Variants in SLC35D2 observed in about 807,000 individuals in gnomAD.
SLC35D2 encodes nucleotide sugar transporter SLC35D2.
SLC35D2 carries 43 observed loss-of-function variants against 41.8 expected under a neutral mutation model. The ratio of observed to expected loss-of-function variants is 1.03; its 90% CI spans 0.81 to 1.33. The LOEUF (loss-of-function observed/expected upper bound fraction) is 1.33, where lower values mean the gene tolerates loss of function less well. Among genes scored for constraint, SLC35D2 ranks in the 40% most tolerant of loss-of-function variants. The probability of loss-of-function intolerance (pLI) is 0.00; values close to 1 mark genes in which losing one functional copy is unlikely to be tolerated. For synonymous variants in SLC35D2, 150 were observed against 163.9 expected (o/e 0.92, Z 0.65); for missense variants, 380 against 408.4 (o/e 0.93, Z 0.60).
rs181735925 is a variant in SLC35D2 at position 96,324,003 on chromosome 9, A to C, written c.831+88T>G. On this transcript the variant is annotated intron_variant, in intron 10 of 11. Coordinates refer to ENST00000253270, the MANE Select transcript of SLC35D2 (RefSeq NM_007001.3). Reference sequence around the variant, plus strand: ...AGCCCTCGTTCTTACACCACCACCAACAACAAAATCAAACCCGGCCTCCCA... The same window carrying C: ...AGCCCTCGTTCTTACACCACCACCACCAACAAAATCAAACCCGGCCTCCCA... The C allele has an allele frequency of 1.6e-4, 183 of 1,175,358 alleles. 2 individuals are homozygous for C. Among genetic ancestry groups the C allele is most frequent in the African/African-American group, 5.7e-4 (38 of 66,662 alleles). The allele number at this position is 1,175,358 out of a possible 1,614,324, so 72.8% of individuals were successfully genotyped here.
At chr9:96,365,638 A>G (rs1587711165) in intron 2 of SLC35D2, among the ~76,000 whole-genome samples, 2 of 152,310 alleles carry the variant, frequency 1.3e-5, no homozygotes, top group Admixed American at 1.3e-4. Context: ...TCCATAAAAC[A>G]GAAGACCAAC....
At chr9:96,383,421 A>AG in intron 1 of SLC35D2, 56 bp downstream of exon 1, 1 of 1,408,772 alleles carries the variant, frequency 7.1e-7, no homozygotes, top group Non-Finnish European at 9.5e-7. Context: ...AAGCGCACGG[A>AG]GGACAGGGGC....
intron 4 of SLC35D2, among the ~76,000 whole-genome samples, chr9:96,359,292 A>G (rs1266424459): frequency 6.6e-6 from 1 of 151,112 alleles, no homozygotes; most frequent in Non-Finnish European, 1.5e-5. Flanking sequence ...TGGGCGACAG[A>G]GCGAGACTCC....
intron 6 of SLC35D2, among the ~76,000 whole-genome samples, chr9:96,347,741 G>T (rs1479677318): frequency 6.6e-6 from 1 of 152,260 alleles, no homozygotes; most frequent in East Asian, 1.9e-4. Flanking sequence ...TTCCCAGGCG[G>T]TTAAGGCATT....
At chr9:96,354,115 T>C (rs1322920923) in intron 4 of SLC35D2, among the ~76,000 whole-genome samples, 1 of 152,224 alleles carries the variant, frequency 6.6e-6, no homozygotes, top group African/African-American at 2.4e-5. Context: ...TTCAATTGCA[T>C]TCGAAAAGTA....
chr9:96,364,994 G>T (rs1035100183), intron 2 of SLC35D2, among the ~76,000 whole-genome samples: 2 of 144,510 alleles, frequency 1.4e-5, no homozygotes, highest in African/African-American at 5.2e-5. Flanking sequence ...AGGTTGCAGT[G>T]AGCCAAGATC....
At position 96,383,643 on chromosome 9, in the gene SLC35D2, G is replaced by A. The variant is rs1831305751; in HGVS notation, c.-9C>T. On this transcript the variant is annotated 5_prime_UTR_variant, in exon 1 of 12. Coordinates refer to ENST00000253270, the MANE Select transcript of SLC35D2 (RefSeq NM_007001.3). ...TGGCCGCCGGCCGTCATCTCCTGCG[G>A]CCCCGCGGACCCCGCCGCCCGCCAG... 8.5e-6 allele frequency: 9 copies of A among 1,062,446 alleles called. No individual in the cohort carries two copies. The highest frequency in any genetic ancestry group is 1.0e-5 in the Non-Finnish European group (9 of 882,944). The allele number at this position is 1,062,446 out of a possible 1,614,324, so 65.8% of individuals were successfully genotyped here. A position where few individuals can be genotyped will look rare whatever the true frequency, so the allele number is the denominator to read the frequency against.
intron 1 of SLC35D2, among the ~76,000 whole-genome samples, chr9:96,371,888 G>A (rs371438823): frequency 0.025 from 3,830 of 150,724 alleles, 72 homozygotes; most frequent in Middle Eastern, 0.054. Flanking sequence ...CACTACGCCC[G>A]GCTAATTTTT....
intron 1 of SLC35D2, among the ~76,000 whole-genome samples, chr9:96,374,532 CAAAA>C (rs35986252): frequency 1.2e-5 from 1 of 82,350 alleles, no homozygotes; most frequent in Admixed American, 1.5e-4. Flanking sequence ...GACTCCGTCT[CAAAA>C]AAAAAAAAAA....
intron 1 of SLC35D2, among the ~76,000 whole-genome samples, chr9:96,379,966 C>T (rs1482619741): frequency 2.0e-5 from 3 of 149,156 alleles, no homozygotes; most frequent in Non-Finnish European, 4.4e-5. Flanking sequence ...GGCGTGGTCT[C>T]AGCTCACCAC....
intron 4 of SLC35D2, among the ~76,000 whole-genome samples, chr9:96,354,505 G>A (rs966621864): frequency 3.3e-5 from 5 of 152,128 alleles, no homozygotes; most frequent in Admixed American, 6.5e-5. Flanking sequence ...AGTGGCTCAC[G>A]CCTGTAATCC....
intron 6 of SLC35D2, among the ~76,000 whole-genome samples, chr9:96,350,310 C>G (rs1033740176): frequency 2.6e-5 from 4 of 150,976 alleles, no homozygotes; most frequent in Admixed American, 6.6e-5. Context: ...AGCTGAGACT[C>G]CAGGCACACA....
At chr9:96,339,690 C>A (rs1484994338) in intron 8 of SLC35D2, among the ~76,000 whole-genome samples, 1 of 152,088 alleles carries the variant, frequency 6.6e-6, no homozygotes, top group Non-Finnish European at 1.5e-5. Context: ...CTGTAATATA[C>A]TAGATGTACT....
At chr9:96,343,138 G>A (rs10990651) in intron 8 of SLC35D2, among the ~76,000 whole-genome samples, 38,953 of 152,144 alleles carry the variant, frequency 0.26, 5,181 homozygotes, top group East Asian at 0.55. Context: ...GAAGAAGTCC[G>A]GGCTTGCACC....
chr9:96,354,612 C>G (rs1397686905), intron 4 of SLC35D2, among the ~76,000 whole-genome samples: 1 of 151,488 alleles, frequency 6.6e-6, no homozygotes, highest in Non-Finnish European at 1.5e-5. Context: ...ACTAAAAATA[C>G]AAAAAATTAG....
rs561983269 is a variant in SLC35D2, at chr9:96,345,663, C to T, written c.489-262G>A. The stretch of plus-strand genomic sequence containing the variant: ...TCCTTCAACTGCAACCCCTTTCTTT[C>T]GCTAGCTGATGAATCCACATAATAA... On this transcript the variant is annotated intron_variant, in intron 6 of 11. Transcript: ENST00000253270. Among the ~76,000 whole-genome samples the T allele has an allele frequency of 3.5e-4, 54 of 152,330 alleles. No homozygotes were observed. The South Asian group carries it at 0.011, about 30-fold the overall frequency.
chr9:96,380,672 A>G (rs1677700365), intron 1 of SLC35D2, among the ~76,000 whole-genome samples: 1 of 151,170 alleles, frequency 6.6e-6, no homozygotes, highest in Non-Finnish European at 1.5e-5. Flanking sequence ...ACAGGGTTTC[A>G]CCATGCTGGC....
At chr9:96,344,535 T>A (rs990432916) in intron 7 of SLC35D2, among the ~76,000 whole-genome samples, 208 of 16,862 alleles carry the variant, frequency 0.012, no homozygotes, top group Non-Finnish European at 0.016. Context: ...AAAAAGGCCA[T>A]GCAGGGGAAA....
At chr9:96,374,436 A>C (rs1393295552) in intron 1 of SLC35D2, among the ~76,000 whole-genome samples, 1 of 151,684 alleles carries the variant, frequency 6.6e-6, no homozygotes, top group East Asian at 1.9e-4. Flanking sequence ...TGGGAGGCTG[A>C]GGCAGGAGAA....
Sources: allele counts gnomAD v4.1 joint callset (sites outside exome capture counted in the v4.1 genomes callset), GRCh38; gene constraint gnomAD v4.1.1; transcripts MANE v1.5; gene names NCBI Gene and HGNC (gene_info 2026-07-23, HGNC 2026-07-21).